Variants in TOMM7 observed in about 807,000 individuals in gnomAD.
The protein encoded by TOMM7 is mitochondrial import receptor subunit TOM7 homolog.
Under a neutral mutation model 9.5 loss-of-function variants are expected in TOMM7, and 8 were observed. The observed-to-expected ratio is 0.84, with a 90% CI of 0.49 to 1.51. The LOEUF is 1.51. Ranked by LOEUF, TOMM7 falls within the 40% of genes most tolerant of loss-of-function variation. TOMM7 has a pLI of 0.00. For synonymous variants in TOMM7, 27 were observed against 21.4 expected (o/e 1.26, Z -0.72); for missense variants, 74 against 63.7 (o/e 1.16, Z -0.55).
intron 1 of TOMM7, among the ~76,000 whole-genome samples, 165 bp downstream of exon 1, chr7:22,822,512 A>C (rs2270108): frequency 0.44 from 66,956 of 152,002 alleles, 16,648 homozygotes; most frequent in African/African-American, 0.67. Flanking sequence ...ATAGAACGGG[A>C]ACTCGAACTC....
rs773432962 is a variant in TOMM7, at chr7:22,822,822, A to G, written c.-43T>C. 6.6e-7 allele frequency: 1 copy of G among 1,523,062 alleles called. No homozygotes were observed. The highest frequency in any genetic ancestry group is 1.1e-5 in the South Asian group (1 of 89,212). The allele number at this position is 1,523,062 out of a possible 1,614,324, so 94.3% of individuals were successfully genotyped here. On this transcript the variant is annotated 5_prime_UTR_variant, in exon 1 of 3. Coordinates refer to ENST00000358435, the MANE Select transcript of TOMM7 (RefSeq NM_019059.5). ...GCAGGGAGGACCCCTTACAGCAACC[A>G]CAGCGTCGGGAATCCGAAAGGGAAA...
At chr7:22,820,612 G>A (rs1782373944) in intron 1 of TOMM7, among the ~76,000 whole-genome samples, 1 of 152,120 alleles carries the variant, frequency 6.6e-6, no homozygotes, top group Non-Finnish European at 1.5e-5. Flanking sequence ...GAAGAATCAA[G>A]CTTCCACACC....
intron 1 of TOMM7, among the ~76,000 whole-genome samples, chr7:22,821,272 A>T (rs1583464577): frequency 6.6e-6 from 1 of 152,046 alleles, no homozygotes; most frequent in Non-Finnish European, 1.5e-5. Flanking sequence ...TTAGCCCGGC[A>T]TGGTGGCGGG....
chr7:22,820,703 T>C (rs1782375808), intron 1 of TOMM7, among the ~76,000 whole-genome samples: 1 of 152,052 alleles, frequency 6.6e-6, no homozygotes, highest in Admixed American at 6.6e-5. Context: ...AAGAAGTGGG[T>C]GTGGGGGGAG....
At chr7:22,817,356 T>A (rs1023600377) in intron 2 of TOMM7, 1 of 153,936 alleles carries the variant, frequency 6.5e-6, no homozygotes, top group African/African-American at 2.4e-5. Context: ...CCATGACAAT[T>A]TATAAGGAAA....
At chr7:22,818,156 AATG>A (rs1782341027) in intron 1 of TOMM7, 108 bp from the exon 2 acceptor site, 2 of 1,032,178 alleles carry the variant, frequency 1.9e-6, no homozygotes, top group South Asian at 2.8e-5. Context: ...GGATAGTTAG[AATG>A]ATATCTAGAC....
chr7:22,821,493 C>A (rs1782390628), intron 1 of TOMM7, among the ~76,000 whole-genome samples: 2 of 151,608 alleles, frequency 1.3e-5, no homozygotes, highest in South Asian at 4.2e-4. Flanking sequence ...GGAGGCCGCG[C>A]GCGGGGCGGA....
In TOMM7 at chr7:22,822,709, C is replaced by A; in HGVS notation, c.71G>T (p.Arg24Leu). 1.9e-6 allele frequency: 3 copies of A among 1,614,204 alleles called. No individual in the cohort carries two copies. In the South Asian group the frequency reaches 3.3e-5, roughly 18 times the overall value. The change falls in exon 1 of 3, where the codon CGC (arginine) becomes CTC (leucine). Residue 24 changes from arginine to leucine, a missense_variant. Arg to Leu is a moderately radical substitution (Grantham distance 102). Transcript: ENST00000358435. ...AATCACAAGAGGGATAAAGCCCCAGCGAATGGCAAACTGGCTCCCCTTGAA... is the reference window on the plus strand; with the variant it reads ...AATCACAAGAGGGATAAAGCCCCAGAGAATGGCAAACTGGCTCCCCTTGAA... ...QLFKGSQFAI[R>L]WGFIPLVIYL...
chr7:22,813,263 A>C (rs1000059989), intron 2 of TOMM7, 78 bp from the exon 3 acceptor site: 11 of 1,289,152 alleles, frequency 8.5e-6, no homozygotes, highest in Admixed American at 2.1e-5. Context: ...GACCTAGAAA[A>C]TTTTATACAT....
At chr7:22,814,594 G>T (rs1364420940) in intron 2 of TOMM7, among the ~76,000 whole-genome samples, 2 of 152,152 alleles carry the variant, frequency 1.3e-5, no homozygotes, top group Non-Finnish European at 2.9e-5. Flanking sequence ...TCAGCCTTAT[G>T]CAGATAATGG....
At chr7:22,822,083 GC>G in intron 1 of TOMM7, 1 of 1,519,448 alleles carries the variant, frequency 6.6e-7, no homozygotes. Context: ...CACTGCCTGA[GC>G]CCCTAACTCC....
intron 1 of TOMM7, among the ~76,000 whole-genome samples, chr7:22,821,268 CG>C (rs1782385459): frequency 6.6e-6 from 1 of 151,962 alleles, no homozygotes; most frequent in East Asian, 1.9e-4. Flanking sequence ...AATATTAGCC[CG>C]GCATGGTGGC....
At position 22,813,265 on chromosome 7, in the gene TOMM7, T is replaced by G. The variant is rs1782271954; in HGVS notation, c.153-80A>C. 4 of 1,269,018 alleles carry G rather than the reference T, an allele frequency of 3.2e-6. No homozygotes were observed. The South Asian group carries it at 5.6e-5, about 18-fold the overall frequency. 78.6% of individuals were successfully genotyped at this position (1,269,018 alleles called of 1,614,324 possible). A position where few individuals can be genotyped will look rare whatever the true frequency, so the allele number is the denominator to read the frequency against. On this transcript the variant is annotated intron_variant, in intron 2 of 2. Coordinates refer to ENST00000358435, the MANE Select transcript of TOMM7 (RefSeq NM_019059.5). ...AGACATAACCTAAGACCTAGAAAAT[T>G]TTATACATTTATGTTTGTTTCCTCA...
intron 2 of TOMM7, 82 bp from the exon 3 acceptor site, chr7:22,813,267 T>C: frequency 1.6e-6 from 2 of 1,271,622 alleles, no homozygotes; most frequent in Non-Finnish European, 2.2e-6. Flanking sequence ...TAGAAAATTT[T>C]ATACATTTAT....
chr7:22,820,311 G>T (rs192304218), intron 1 of TOMM7, among the ~76,000 whole-genome samples: 3 of 152,202 alleles, frequency 2.0e-5, no homozygotes, highest in Non-Finnish European at 2.9e-5. Flanking sequence ...GAAAATCACC[G>T]TAACGGTAGT....
rs1184961861 is a variant in TOMM7 at position 22,813,073 on chromosome 7, A to G, written c.*97T>C. 6 of 1,270,680 alleles carry G rather than the reference A, an allele frequency of 4.7e-6. No individual in the cohort carries two copies. In the Admixed American group the frequency reaches 1.0e-4, roughly 22 times the overall value. 78.7% of individuals were successfully genotyped at this position (1,270,680 alleles called of 1,614,324 possible). A position where few individuals can be genotyped will look rare whatever the true frequency, so the allele number is the denominator to read the frequency against. On this transcript the variant is annotated 3_prime_UTR_variant, in exon 3 of 3. Coordinates refer to ENST00000358435, the MANE Select transcript of TOMM7 (RefSeq NM_019059.5). ...GTGAAGAGCCTTGTGCCATCCAACT[A>G]GTGACTGAATGATGTCCCATCTCTT...
Position 22,813,072 on chromosome 7 carries a change from T to C in TOMM7, c.*98A>G, listed in dbSNP as rs768678749. On this transcript the variant is annotated 3_prime_UTR_variant, in exon 3 of 3. Coordinates refer to ENST00000358435, the MANE Select transcript of TOMM7 (RefSeq NM_019059.5). Reference sequence around the variant, plus strand: ...TGTGAAGAGCCTTGTGCCATCCAACTAGTGACTGAATGATGTCCCATCTCT... The same window carrying C: ...TGTGAAGAGCCTTGTGCCATCCAACCAGTGACTGAATGATGTCCCATCTCT... 48 of 1,263,188 alleles carry C rather than the reference T, an allele frequency of 3.8e-5. No individual in the cohort carries two copies. In the African/African-American group the frequency reaches 6.9e-4, roughly 18 times the overall value. 78.2% of individuals were successfully genotyped at this position (1,263,188 alleles called of 1,614,324 possible).
At chr7:22,815,025 C>T (rs996477287) in intron 2 of TOMM7, among the ~76,000 whole-genome samples, 12 of 152,262 alleles carry the variant, frequency 7.9e-5, no homozygotes, top group Admixed American at 3.3e-4. Flanking sequence ...CATGAAATTC[C>T]GTAACTGAGT....
intron 2 of TOMM7, among the ~76,000 whole-genome samples, chr7:22,815,456 G>A (rs1174309150): frequency 1.3e-5 from 2 of 151,796 alleles, no homozygotes; most frequent in African/African-American, 2.4e-5. Flanking sequence ...AGCACATTGG[G>A]AGGCCCAGGT....
Sources: gnomAD v4.1 joint callset for allele counts (sites outside exome capture counted in the v4.1 genomes callset) on GRCh38, gnomAD v4.1.1 for gene constraint, MANE v1.5 for transcripts, NCBI Gene and HGNC (gene_info 2026-07-23, HGNC 2026-07-21) for gene names.